Variants in SLC7A5 observed in about 807,000 individuals in gnomAD.
The protein encoded by SLC7A5 is large neutral amino acids transporter small subunit 1.
SLC7A5 carries 23 observed loss-of-function variants against 50.2 expected under a neutral mutation model. The ratio of observed to expected loss-of-function variants is 0.46; its 90% CI spans 0.33 to 0.65. The LOEUF (loss-of-function observed/expected upper bound fraction) is 0.65. Ranked by LOEUF, SLC7A5 falls within the 30% of genes least tolerant of loss-of-function variation. SLC7A5 has a pLI of 0.02. For synonymous variants in SLC7A5, 393 were observed against 330.6 expected (o/e 1.19, Z -2.05); for missense variants, 578 against 684.4 (o/e 0.84, Z 1.73).
chr16:87,838,936 G>A (rs2055047475), intron 5 of SLC7A5, 119 bp from the exon 6 acceptor site: 5 of 760,994 alleles, frequency 6.6e-6, no homozygotes, highest in Middle Eastern at 6.8e-4. Context: ...AGAGCCCTCT[G>A]CAGAGGACCT....
intron 3 of SLC7A5, among the ~76,000 whole-genome samples, chr16:87,840,723 G>A (rs554323077): frequency 6.6e-6 from 1 of 152,346 alleles, no homozygotes; most frequent in African/African-American, 2.4e-5. Context: ...AGGTCCCTGT[G>A]AGGCCCGCCT....
chr16:87,859,387 G>C (rs141283018), intron 1 of SLC7A5, among the ~76,000 whole-genome samples: 1 of 152,212 alleles, frequency 6.6e-6, no homozygotes, highest in African/African-American at 2.4e-5. Context: ...CCAGCAGCTC[G>C]AGAGCACAGG....
At position 87,833,631 on chromosome 16, in the gene SLC7A5, TGGGGTAGGGGTGG is replaced by T. The variant is rs57383998; in HGVS notation, c.1469-619_1469-607del. On this transcript the variant is annotated intron_variant, in intron 9 of 9. Transcript: ENST00000261622. This position sits in a 1 kb window ranked among gnomAD's most constrained non-coding sequence, Gnocchi z 6.0. ...CATGACCCTGGCGGTGATCAGAGTG[TGGGGTAGGGGTGG>T]GGGGTCTCCCTGCCTGTGTTGCTGC... Among the ~76,000 whole-genome samples, 17,284 of 151,898 alleles carry T rather than the reference TGGGGTAGGGGTGG, an allele frequency of 0.11. 3,199 individuals are homozygous for T. The highest frequency in any genetic ancestry group is 0.39 in the African/African-American group (15,966 of 41,320).
At chr16:87,867,265 C>G (rs1332803167) in intron 1 of SLC7A5, among the ~76,000 whole-genome samples, 1 of 152,212 alleles carries the variant, frequency 6.6e-6, no homozygotes, top group African/African-American at 2.4e-5. Context: ...GCTGCGTAAG[C>G]TACTATCCAT....
Position 87,841,098 on chromosome 16 carries a change from C to G in SLC7A5, c.722G>C (p.Gly241Ala). Residue 241 changes from glycine to alanine, a missense_variant, in exon 3 of 10, where the codon GGG becomes GCG. Physicochemically the swap from Gly to Ala is moderately conservative, Grantham distance 60. This residue lies in a region of SLC7A5 where 465 missense variants were observed against 594.6 expected (regional missense o/e 0.78). Transcript: ENST00000261622. This position sits in a 1 kb window ranked among gnomAD's most constrained non-coding sequence, Gnocchi z 4.8. ...GCTGTATAATGCCAGCACAATGTTC[C>G]CCACATCCAGTTTGGTGCCTTCAAA... ...FSFEGTKLDV[G>A]NIVLALYSGL... is the part of the protein sequence containing the mutation. 6.2e-7 allele frequency: 1 copy of G among 1,613,964 alleles called. No homozygotes were observed. The highest frequency in any genetic ancestry group is 8.5e-7 in the Non-Finnish European group (1 of 1,179,942).
At position 87,840,440 on chromosome 16, in the gene SLC7A5, G is replaced by A. The variant is rs755670110; in HGVS notation, c.804C>T (p.Ile268=). ...NYLNFVTEEM[I]NPYRNLPLAI... ...ATTCTTGCACGTACCTGTAGGGGTTGATCATTTCCTCTGTGACGAAATTCA... is the reference window on the plus strand; with the variant it reads ...ATTCTTGCACGTACCTGTAGGGGTTAATCATTTCCTCTGTGACGAAATTCA... Residue 268 remains isoleucine (I), a synonymous_variant, in exon 4 of 10, where the codon ATC becomes ATT. Coordinates refer to ENST00000261622, the MANE Select transcript of SLC7A5 (RefSeq NM_003486.7). 3.7e-6 allele frequency: 6 copies of A among 1,612,280 alleles called. 1 individual carries two copies. In the South Asian group the frequency reaches 6.6e-5, roughly 18 times the overall value.
chr16:87,835,864 G>A (rs1257005543), intron 8 of SLC7A5, among the ~76,000 whole-genome samples: 1 of 152,228 alleles, frequency 6.6e-6, no homozygotes, highest in African/African-American at 2.4e-5. Context: ...GGGAAGCAGG[G>A]GCTACTGTGA....
At chr16:87,847,972 G>C (rs35469602) in intron 2 of SLC7A5, among the ~76,000 whole-genome samples, 37 of 151,942 alleles carry the variant, frequency 2.4e-4, no homozygotes, top group Non-Finnish European at 2.2e-4. Context: ...CAGGGGTCTC[G>C]GCCACCGGGA....
chr16:87,837,690 G>A (rs560278918), intron 7 of SLC7A5, 155 bp downstream of exon 7: 24 of 620,810 alleles, frequency 3.9e-5, no homozygotes, highest in East Asian at 1.9e-4. Flanking sequence ...CCCCTCCAGC[G>A]CTCTCTGGCA....
intron 1 of SLC7A5, among the ~76,000 whole-genome samples, chr16:87,855,828 C>T (rs1242695833): frequency 6.6e-6 from 1 of 152,164 alleles, no homozygotes; most frequent in Non-Finnish European, 1.5e-5. Flanking sequence ...GAACCCACCC[C>T]ACACGGACTA....
rs1443986194 is a variant in SLC7A5, at chr16:87,869,179, G to A, written c.244C>T (p.Pro82Ser). The change falls in exon 1 of 10, where the codon CCG (proline) becomes TCG (serine). Residue 82 changes from proline (P) to serine (S), a missense_variant. Around this residue, in one of 2 missense-constraint regions of SLC7A5, gnomAD observed 465 missense variants for 594.6 expected, o/e 0.78. Transcript: ENST00000261622. ...PTGVLKEAGS[P>S]GLALVVWAAC... ...GCCCACACCACCAGCGCCAGCCCCG[G>A]CGAGCCTGCCTCCTTGAGCACGCCC... is the stretch of plus-strand genomic sequence containing the variant. 6.2e-7 allele frequency: 1 copy of A among 1,612,206 alleles called. No individual in the cohort carries two copies. The highest frequency in any genetic ancestry group is 1.3e-5 in the African/African-American group (1 of 74,918).
rs1449700848 is a variant in SLC7A5, at chr16:87,853,826, GGA to G, written c.539-1979_539-1978del. 6.6e-6 allele frequency: 1 copy of G among 152,184 alleles called. No homozygotes were observed. Among genetic ancestry groups the G allele is most frequent in the Non-Finnish European group, 1.5e-5 (1 of 68,032 alleles). The allele number at this position is 152,184 out of a possible 1,614,324, so 9.4% of individuals were successfully genotyped here. ...ACTCGAGGCTGCCTCTCCCCAAAAG[GGA>G]GAGAGGCACGCTGCCACCACTGAAC... On this transcript the variant is annotated intron_variant, in intron 1 of 9. Transcript: ENST00000261622. This position sits in a 1 kb window ranked among gnomAD's most constrained non-coding sequence, Gnocchi z 4.4.
Position 87,833,734 on chromosome 16 carries a change from C to T in SLC7A5, c.1468+680G>A, listed in dbSNP as rs950263521. The stretch of plus-strand genomic sequence containing the variant: ...TCAGCATGTAGGCCCGCAAGCACCC[C>T]GGCCTTTTTCTACGAGCCTGGCCAC... On this transcript the variant is annotated intron_variant, in intron 9 of 9. Transcript: ENST00000261622. The surrounding 1 kb of genome is among the most constrained non-coding windows in gnomAD (Gnocchi z 6.0). 3.9e-5 allele frequency among the ~76,000 whole-genome samples: 6 copies of T among 152,116 alleles called. No individual in the cohort carries two copies. The highest frequency in any genetic ancestry group is 1.2e-4 in the African/African-American group (5 of 41,424).
intron 4 of SLC7A5, 101 bp from the exon 5 acceptor site, chr16:87,839,926 G>A: frequency 6.7e-7 from 1 of 1,499,920 alleles, no homozygotes; most frequent in Admixed American, 1.8e-5. Flanking sequence ...AGTAGCTCCA[G>A]CCTCTGTGCT....
In SLC7A5 at chr16:87,864,770, T is replaced by C. The variant is rs577246181; in HGVS notation, c.538+4115A>G. Reference sequence around the variant, plus strand: ...CGTGCATTTATTCAGTATGATTAACTAACAAAAGCTTGAGTCAACACCATT... The same window carrying C: ...CGTGCATTTATTCAGTATGATTAACCAACAAAAGCTTGAGTCAACACCATT... On this transcript the variant is annotated intron_variant, in intron 1 of 9. Coordinates refer to ENST00000261622, the MANE Select transcript of SLC7A5 (RefSeq NM_003486.7). Among the ~76,000 whole-genome samples the C allele has an allele frequency of 3.3e-5, 5 of 152,356 alleles. No individual in the cohort carries two copies. In the East Asian group the frequency reaches 9.6e-4, roughly 29 times the overall value.
Position 87,869,454 on chromosome 16 carries a change from G to C in SLC7A5, c.-32C>G. 3.0e-6 allele frequency: 4 copies of C among 1,348,486 alleles called. No homozygotes were observed. Among genetic ancestry groups the C allele is most frequent in the African/African-American group, 1.6e-5 (1 of 64,216 alleles). 83.5% of individuals were successfully genotyped at this position (1,348,486 alleles called of 1,614,324 possible). A position where few individuals can be genotyped will look rare whatever the true frequency, so the allele number is the denominator to read the frequency against. Reference sequence around the variant, plus strand: ...CGCACCGGCCGGGCCTGGGACACCCGGGAGCCGCGGCCCAGCGAGCAGTGT... The same window carrying C: ...CGCACCGGCCGGGCCTGGGACACCCCGGAGCCGCGGCCCAGCGAGCAGTGT... On this transcript the variant is annotated 5_prime_UTR_variant, in exon 1 of 10. Coordinates refer to ENST00000261622, the MANE Select transcript of SLC7A5 (RefSeq NM_003486.7).
intron 1 of SLC7A5, among the ~76,000 whole-genome samples, chr16:87,868,094 C>T (rs542781811): frequency 7.1e-6 from 1 of 140,500 alleles, no homozygotes; most frequent in East Asian, 2.1e-4. Context: ...CCAGCCTGGG[C>T]GACTGAGCGG....
rs9922942 is a variant in SLC7A5, at chr16:87,853,877, G to A, written c.539-2028C>T. On this transcript the variant is annotated intron_variant, in intron 1 of 9. Transcript: ENST00000261622. This position sits in a 1 kb window ranked among gnomAD's most constrained non-coding sequence, Gnocchi z 4.4. ...ACTCCAGACACCAGACAGGCGCTGCGGAGACACTGAGCACTGCCCTCGCGG... is the reference window on the plus strand; with the variant it reads ...ACTCCAGACACCAGACAGGCGCTGCAGAGACACTGAGCACTGCCCTCGCGG... The A allele has an allele frequency of 1.3e-5, 2 of 152,072 alleles. No individual in the cohort carries two copies. The highest frequency in any genetic ancestry group is 2.1e-4 in the South Asian group (1 of 4,810). 9.4% of individuals were successfully genotyped at this position (152,072 alleles called of 1,614,324 possible).
chr16:87,855,376 G>GTA (rs1296133198), intron 1 of SLC7A5, among the ~76,000 whole-genome samples: 1 of 152,042 alleles, frequency 6.6e-6, no homozygotes, highest in East Asian at 1.9e-4. Context: ...GACGGGACAG[G>GTA]TGCATACTGC....
Sources: allele counts gnomAD v4.1 joint callset (sites outside exome capture counted in the v4.1 genomes callset), GRCh38; gene constraint gnomAD v4.1.1; regional missense constraint gnomAD v4.1.1; non-coding constraint Gnocchi (gnomAD v3.1); transcripts MANE v1.5; gene names NCBI Gene and HGNC (gene_info 2026-07-23, HGNC 2026-07-21).